Variants in CIT observed in about 807,000 individuals in gnomAD.
CIT encodes citron rho-interacting serine/threonine kinase.
A neutral mutation model predicts 272.7 loss-of-function variants in CIT; 79 were observed. The observed-to-expected ratio is 0.29, with a 90% CI of 0.24 to 0.35. The LOEUF (loss-of-function observed/expected upper bound fraction) is 0.35. CIT is among the 10% of genes least tolerant of loss of function. The pLI is 1.00. For synonymous variants in CIT, 948 were observed against 995.6 expected, an observed-to-expected ratio of 0.95 and a Z score of 0.90; for missense variants, 1,909 against 2,618.3, an observed-to-expected ratio of 0.73 and a Z score of 5.91.
At chr12:119,752,003 C>A in intron 23 of CIT, 47 bp downstream of exon 23, 1 of 1,545,650 alleles carries the variant, frequency 6.5e-7, no homozygotes, top group Non-Finnish European at 8.8e-7. Flanking sequence ...CACACTCATC[C>A]TAGCTGAGGC....
At chr12:119,800,346 A>T (rs1443986984) in intron 10 of CIT, among the ~76,000 whole-genome samples, 1 of 152,086 alleles carries the variant, frequency 6.6e-6, no homozygotes, top group Admixed American at 6.5e-5. Context: ...GCTGCAAGGA[A>T]CTCCCACTAC....
chr12:119,871,876 A>G (rs1333678382), intron 2 of CIT, among the ~76,000 whole-genome samples: 2 of 152,172 alleles, frequency 1.3e-5, no homozygotes, highest in Non-Finnish European at 2.9e-5. Flanking sequence ...TCAGACCTCA[A>G]TCAGGTTTGG....
chr12:119,840,861 G>A (rs371655371), intron 5 of CIT, among the ~76,000 whole-genome samples: 8 of 152,196 alleles, frequency 5.3e-5, no homozygotes, highest in East Asian at 1.9e-4. Flanking sequence ...TTTCACTAAA[G>A]TAAACAATGA....
chr12:119,733,439 AAGG>A (rs1322932680), intron 26 of CIT, among the ~76,000 whole-genome samples: 4 of 147,442 alleles, frequency 2.7e-5, no homozygotes, highest in African/African-American at 1.0e-4. Flanking sequence ...GAGGCTGAAG[AAGG>A]AGAATTCCTC....
intron 17 of CIT, among the ~76,000 whole-genome samples, chr12:119,772,445 CAG>C (rs780273310): frequency 4.6e-5 from 7 of 151,960 alleles, no homozygotes; most frequent in Admixed American, 2.0e-4. Context: ...AAGGAAAAAA[CAG>C]AGGGAAGAGA....
At chr12:119,822,679 T>G in intron 9 of CIT, 141 bp downstream of exon 9, 1 of 833,744 alleles carries the variant, frequency 1.2e-6, no homozygotes, top group South Asian at 1.8e-5. Context: ...GCTACATCAT[T>G]AGCCTTTACT....
chr12:119,691,339 G>A (rs1479885269), intron 46 of CIT, among the ~76,000 whole-genome samples: 1 of 152,204 alleles, frequency 6.6e-6, no homozygotes, highest in Non-Finnish European at 1.5e-5. Flanking sequence ...CTCAGTGCAA[G>A]GAAGCAGTTT....
chr12:119,727,264 C>A (rs111527750), intron 28 of CIT, among the ~76,000 whole-genome samples: 2 of 152,296 alleles, frequency 1.3e-5, no homozygotes, highest in Non-Finnish European at 2.9e-5. Flanking sequence ...ACAAGTATTA[C>A]ATGACCCCCA....
At chr12:119,823,019 G>T (rs765218829) in intron 8 of CIT, 46 bp from the exon 9 acceptor site, 10 of 1,537,344 alleles carry the variant, frequency 6.5e-6, no homozygotes, top group African/African-American at 1.4e-5. Context: ...TAGGGATTCC[G>T]TTTCTCATGC....
chr12:119,726,415 A>C (rs1261750998), intron 28 of CIT, among the ~76,000 whole-genome samples: 1 of 25,932 alleles, frequency 3.9e-5, no homozygotes, highest in Admixed American at 5.2e-4. Context: ...TTTTTTTTGT[A>C]GAGATGGGGT....
intron 40 of CIT, among the ~76,000 whole-genome samples, chr12:119,706,543 T>G (rs949057684): frequency 2.0e-5 from 3 of 152,168 alleles, no homozygotes; most frequent in Non-Finnish European, 4.4e-5. Context: ...GTGGTATTTG[T>G]TTTTCTGTTC....
At chr12:119,816,341 C>T (rs150911194) in intron 9 of CIT, among the ~76,000 whole-genome samples, 2,224 of 152,190 alleles carry the variant, frequency 0.015, 30 homozygotes, top group Non-Finnish European at 0.02. Context: ...AAGAGAAAAG[C>T]TTTAAATTCC....
Position 119,713,456 on chromosome 12 carries a change from C to T in CIT, c.4487+12G>A. 1 of 1,612,906 alleles carries T rather than the reference C, an allele frequency of 6.2e-7. No individual in the cohort carries two copies. Among genetic ancestry groups the T allele is most frequent in the East Asian group, 2.2e-5 (1 of 44,874 alleles). The stretch of plus-strand genomic sequence containing the variant: ...AGCACCTGCTCCAGCCCAAGCCACC[C>T]TGACATGGTACCTGGGCACCTTCAT... On this transcript the variant is annotated intron_variant, in intron 34 of 47. Transcript: ENST00000392521. This position sits in a 1 kb window ranked among gnomAD's most constrained non-coding sequence, Gnocchi z 5.2.
chr12:119,817,409 G>A (rs1967291555), intron 9 of CIT, among the ~76,000 whole-genome samples: 1 of 152,126 alleles, frequency 6.6e-6, no homozygotes, highest in Non-Finnish European at 1.5e-5. Context: ...CTACTCGGGA[G>A]GCTGAGGCAG....
chr12:119,851,319 G>A lies in CIT; in HGVS notation c.415-1044C>T, dbSNP rs374970278. 1.4e-4 allele frequency among the ~76,000 whole-genome samples: 21 copies of A among 152,288 alleles called. 2 individuals are homozygous for A. Among genetic ancestry groups the A allele is most frequent in the African/African-American group, 4.6e-4 (19 of 41,560 alleles). ...GTGTAGGTGGATATATTGTATATAC[G>A]TATGTGTATTCCTTAGTGCTGTCCA... On this transcript the variant is annotated intron_variant, in intron 4 of 47. Transcript: ENST00000392521.
At chr12:119,722,712 T>C (rs1957863119) in intron 28 of CIT, among the ~76,000 whole-genome samples, 2 of 152,224 alleles carry the variant, frequency 1.3e-5, no homozygotes, top group Admixed American at 1.3e-4. Flanking sequence ...GTGGGTATAC[T>C]AGCTTGCCTC....
chr12:119,773,710 G>C (rs1041132277), intron 16 of CIT, among the ~76,000 whole-genome samples: 1 of 152,198 alleles, frequency 6.6e-6, no homozygotes, highest in Non-Finnish European at 1.5e-5. Context: ...TTACAGGCGT[G>C]AGCCACCATG....
At chr12:119,769,458 A>G (rs1221878092) in intron 18 of CIT, among the ~76,000 whole-genome samples, 1 of 152,222 alleles carries the variant, frequency 6.6e-6, no homozygotes, top group Non-Finnish European at 1.5e-5. Flanking sequence ...GGCACATAGT[A>G]GAAGCTCATT....
chr12:119,778,649 C>T (rs183097732), intron 13 of CIT, among the ~76,000 whole-genome samples: 6 of 152,198 alleles, frequency 3.9e-5, no homozygotes, highest in African/African-American at 9.6e-5. Context: ...GACGCCCCCC[C>T]CCCAGAGCAT....
Sources: gnomAD v4.1 joint callset for allele counts (sites outside exome capture counted in the v4.1 genomes callset) on GRCh38, gnomAD v4.1.1 for gene constraint, Gnocchi (gnomAD v3.1) non-coding constraint, MANE v1.5 for transcripts, NCBI Gene and HGNC (gene_info 2026-07-23, HGNC 2026-07-21) for gene names.